The following GRM7 variants were observed in gnomAD, a reference collection of about 807,000 sequenced individuals.
GRM7 encodes metabotropic glutamate receptor 7.
Under a neutral mutation model 84.5 loss-of-function variants are expected in GRM7, and 35 were observed. The observed-to-expected ratio is 0.41, with a 90% CI of 0.32 to 0.55. The LOEUF is 0.55. Ranked by LOEUF, GRM7 falls within the 20% of genes least tolerant of loss-of-function variation. The probability of loss-of-function intolerance (pLI) is 0.19; values close to 1 mark genes in which losing one functional copy is unlikely to be tolerated. For synonymous variants in GRM7, 487 were observed against 455.1 expected (o/e 1.07, Z -0.89); for missense variants, 1,003 against 1,194.6 (o/e 0.84, Z 2.36).
At chr3:7,103,654 A>G (rs1366943365) in intron 1 of GRM7, among the ~76,000 whole-genome samples, 2 of 151,816 alleles carry the variant, frequency 1.3e-5, no homozygotes, top group Non-Finnish European at 2.9e-5. Context: ...AATTAATTAT[A>G]TACTAACATT....
intron 4 of GRM7, among the ~76,000 whole-genome samples, chr3:7,386,931 T>C (rs957860725): frequency 5.9e-5 from 9 of 152,202 alleles, no homozygotes; most frequent in African/African-American, 2.2e-4. Flanking sequence ...CTAACATCTG[T>C]TATGTTTTGA....
chr3:7,740,587 A>T lies in GRM7; in HGVS notation c.*181A>T, dbSNP rs1236535249. 4.6e-5 allele frequency: 21 copies of T among 455,868 alleles called. No individual in the cohort carries two copies. In the South Asian group the frequency reaches 9.3e-4, roughly 20 times the overall value. The allele number at this position is 455,868 out of a possible 1,614,324, so 28.2% of individuals were successfully genotyped here. On this transcript the variant is annotated 3_prime_UTR_variant, in exon 10 of 10. Coordinates refer to ENST00000357716, the MANE Select transcript of GRM7 (RefSeq NM_000844.4). ...CTGCTTTATGAAATATCCTTACTTT[A>T]TCTGGGCTTAATAAGTCACTGACAT...
At chr3:6,957,358 G>T (rs1288261334) in intron 1 of GRM7, among the ~76,000 whole-genome samples, 2 of 151,930 alleles carry the variant, frequency 1.3e-5, no homozygotes, top group African/African-American at 4.8e-5. Context: ...GGCAGCCGAA[G>T]CCCCGGTGTG....
chr3:7,124,946 C>A (rs1349965414), intron 1 of GRM7, among the ~76,000 whole-genome samples: 2 of 151,762 alleles, frequency 1.3e-5, no homozygotes, highest in African/African-American at 4.8e-5. Context: ...TTAATAGTTT[C>A]TTTTCTTTTT....
Position 7,240,514 on chromosome 3 carries a change from A to G in GRM7, c.737-58170A>G, listed in dbSNP as rs1697518329. Among the ~76,000 whole-genome samples, 3 of 152,296 alleles carry G rather than the reference A, an allele frequency of 2.0e-5. No individual in the cohort carries two copies. In the South Asian group the frequency reaches 6.2e-4, roughly 32 times the overall value. ...TGAATGAAGGAATTATACAACTACT[A>G]AGATATGGTTGAATATTGGCATATA... On this transcript the variant is annotated intron_variant, in intron 2 of 9. Coordinates refer to ENST00000357716, the MANE Select transcript of GRM7 (RefSeq NM_000844.4).
chr3:7,358,609 C>A (rs1475292011), intron 4 of GRM7, among the ~76,000 whole-genome samples: 1 of 148,466 alleles, frequency 6.7e-6, no homozygotes, highest in African/African-American at 2.5e-5. Context: ...ACCAATTTAA[C>A]TTTAATCCAG....
At chr3:7,587,835 C>G (rs1695588005) in intron 8 of GRM7, among the ~76,000 whole-genome samples, 1 of 152,148 alleles carries the variant, frequency 6.6e-6, no homozygotes, top group South Asian at 2.1e-4. Context: ...AGAAGAATCC[C>G]TTAGAGCAAA....
intron 1 of GRM7, among the ~76,000 whole-genome samples, chr3:6,899,360 A>T (rs1301173585): frequency 6.6e-6 from 1 of 152,230 alleles, no homozygotes; most frequent in Non-Finnish European, 1.5e-5. Flanking sequence ...AATATCTGAC[A>T]AAGAGCTGGG....
intron 2 of GRM7, among the ~76,000 whole-genome samples, chr3:7,249,723 A>T (rs976949376): frequency 6.6e-6 from 1 of 152,222 alleles, no homozygotes; most frequent in Admixed American, 6.5e-5. Context: ...TGTGGAAATT[A>T]ACAAGAAATT....
At chr3:7,234,453 C>T (rs1697287879) in intron 2 of GRM7, among the ~76,000 whole-genome samples, 1 of 152,124 alleles carries the variant, frequency 6.6e-6, no homozygotes, top group South Asian at 2.1e-4. Context: ...AAGTATCTGC[C>T]TCATAGAATT....
At chr3:7,703,982 C>T (rs1278446663) in intron 9 of GRM7, among the ~76,000 whole-genome samples, 1 of 152,186 alleles carries the variant, frequency 6.6e-6, no homozygotes, top group Non-Finnish European at 1.5e-5. Flanking sequence ...CTAAACCCAT[C>T]CATCATTTCT....
chr3:7,064,479 T>TATATATGTATATATATATATATAC lies in GRM7; in HGVS notation c.520-81972_520-81971insTATATGTATATATATATATATACA. 9.8e-3 allele frequency among the ~76,000 whole-genome samples: 976 copies of TATATATGTATATATATATATATAC among 99,138 alleles called. 46 individuals carry two copies. Among genetic ancestry groups the TATATATGTATATATATATATATAC allele is most frequent in the African/African-American group, 0.037 (945 of 25,532 alleles). The allele number at this position is 99,138 out of a possible 152,430, so 65.0% of individuals were successfully genotyped here. On this transcript the variant is annotated intron_variant, in intron 1 of 9. Coordinates refer to ENST00000357716, the MANE Select transcript of GRM7 (RefSeq NM_000844.4). The stretch of plus-strand genomic sequence containing the variant: ...ATATATATACATATATATATATATA[T>TATATATGTATATATATATATATAC]ACACACATATACATATATATATACA...
chr3:6,909,136 A>G (rs535069888), intron 1 of GRM7, among the ~76,000 whole-genome samples: 1 of 152,142 alleles, frequency 6.6e-6, no homozygotes. Context: ...CCTGTTATGG[A>G]CATACAAGAA....
chr3:6,866,348 T>TA (rs1350187532), intron 1 of GRM7, among the ~76,000 whole-genome samples: 4 of 152,280 alleles, frequency 2.6e-5, no homozygotes, highest in Middle Eastern at 3.4e-3. Flanking sequence ...TGCTTTTTTT[T>TA]TTTTCTTTAA....
chr3:7,040,111 G>A (rs1423825906), intron 1 of GRM7, among the ~76,000 whole-genome samples: 1 of 152,116 alleles, frequency 6.6e-6, no homozygotes, highest in Non-Finnish European at 1.5e-5. Context: ...CCCATTCCAA[G>A]ACTGCCAGTT....
chr3:7,132,064 C>T (rs1401445385), intron 1 of GRM7, among the ~76,000 whole-genome samples: 11 of 152,174 alleles, frequency 7.2e-5, no homozygotes, highest in Admixed American at 6.5e-4. Flanking sequence ...AATCTGCCTC[C>T]TCTCTCCCAA....
intron 2 of GRM7, among the ~76,000 whole-genome samples, chr3:7,251,960 C>A (rs1310823993): frequency 2.0e-5 from 3 of 152,154 alleles, no homozygotes; most frequent in Non-Finnish European, 2.9e-5. Flanking sequence ...GAAAACAAAG[C>A]CTTTTTTCCA....
intron 8 of GRM7, among the ~76,000 whole-genome samples, chr3:7,611,547 C>T (rs1696846924): frequency 1.3e-5 from 2 of 152,180 alleles, no homozygotes; most frequent in Non-Finnish European, 2.9e-5. Context: ...ACAGGGACAG[C>T]TGTCATAGAC....
At chr3:7,552,835 C>G (rs1003304940) in intron 7 of GRM7, among the ~76,000 whole-genome samples, 2 of 152,212 alleles carry the variant, frequency 1.3e-5, no homozygotes, top group Non-Finnish European at 2.9e-5. Flanking sequence ...AGACCTCTGA[C>G]ACGCCCTGGA....
Sources: gnomAD v4.1 joint callset for allele counts (sites outside exome capture counted in the v4.1 genomes callset) on GRCh38, gnomAD v4.1.1 for gene constraint, MANE v1.5 for transcripts, NCBI Gene and HGNC (gene_info 2026-07-23, HGNC 2026-07-21) for gene names.